BNIP2: variants seen among roughly 807,000 people sequenced by gnomAD.
BNIP2 encodes the protein BCL2/adenovirus E1B 19 kDa protein-interacting protein 2.
Under a neutral mutation model 43.4 loss-of-function variants are expected in BNIP2, and 36 were observed. That is an observed-to-expected ratio of 0.83 (90% confidence interval 0.64 to 1.10). The LOEUF is 1.10. BNIP2 is among the 50% of genes least tolerant of loss of function. BNIP2 has a pLI of 0.00. For synonymous variants in BNIP2, 146 were observed against 121.0 expected (o/e 1.21, Z -1.35); for missense variants, 417 against 374.1 (o/e 1.11, Z -0.95).
At chr15:59,683,603 G>A (rs1290949831) in intron 1 of BNIP2, among the ~76,000 whole-genome samples, 1 of 152,178 alleles carries the variant, frequency 6.6e-6, no homozygotes, top group African/African-American at 2.4e-5. Context: ...GATCACTTGA[G>A]GTCAGGAGTT....
In BNIP2 at chr15:59,679,497, T is replaced by G. The variant is rs1242862246; in HGVS notation, c.295+95A>C. 4 of 1,334,342 alleles carry G rather than the reference T, an allele frequency of 3.0e-6. No individual in the cohort carries two copies. The African/African-American group carries it at 5.9e-5, about 20-fold the overall frequency. 82.7% of individuals were successfully genotyped at this position (1,334,342 alleles called of 1,614,324 possible). On this transcript the variant is annotated intron_variant, in intron 4 of 9. Coordinates refer to ENST00000607373, the MANE Select transcript of BNIP2 (RefSeq NM_004330.4). ...GGGTTAGCACAATTTCCTATCTTAG[T>G]AACAAATATATGAACTTTAGAAAGA...
chr15:59,674,105 A>C (rs1290535957), intron 5 of BNIP2, among the ~76,000 whole-genome samples: 3 of 149,672 alleles, frequency 2.0e-5, no homozygotes, highest in African/African-American at 7.5e-5. Flanking sequence ...AAAAAACAAA[A>C]ACAAAAACAA....
chr15:59,678,712 T>G (rs748674489), intron 4 of BNIP2: 62 of 1,230,206 alleles, frequency 5.0e-5, no homozygotes, highest in Admixed American at 9.8e-5. Flanking sequence ...TTCAATGTAG[T>G]AATAATTTTC....
rs952733049 is a variant in BNIP2 at position 59,662,546 on chromosome 15, G to A, written c.*1523C>T. 1 of 152,222 alleles carries A rather than the reference G, an allele frequency of 6.6e-6. No homozygotes were observed. The highest frequency in any genetic ancestry group is 2.1e-4 in the South Asian group (1 of 4,830). 9.4% of individuals were successfully genotyped at this position (152,222 alleles called of 1,614,324 possible). On this transcript the variant is annotated 3_prime_UTR_variant, in exon 10 of 10. Transcript: ENST00000607373. ...AAGTTAGCATGCCAAGTTTAGGACT[G>A]AGGAGGACAAAAAATATAGGAAAGT...
Position 59,689,168 on chromosome 15 carries a change from GCCC to G in BNIP2, c.-94_-92del. On this transcript the variant is annotated 5_prime_UTR_variant, in exon 1 of 10. Transcript: ENST00000607373. ...AAGCCTTGGCCCCCTCGTCCTCTTC[GCCC>G]CTCCAGGCCGGCGACGTGGGGCTGA... is the stretch of plus-strand genomic sequence containing the variant. 1 of 1,538,070 alleles carries G rather than the reference GCCC, an allele frequency of 6.5e-7. No homozygotes were observed. Among genetic ancestry groups the G allele is most frequent in the Non-Finnish European group, 8.7e-7 (1 of 1,146,420 alleles).
chr15:59,681,321 C>T (rs1297926388), intron 2 of BNIP2, among the ~76,000 whole-genome samples: 1 of 152,154 alleles, frequency 6.6e-6, no homozygotes, highest in Non-Finnish European at 1.5e-5. Flanking sequence ...TTTCATTAGC[C>T]TACCTGGTGC....
At chr15:59,673,221 C>T (rs1026162629) in intron 5 of BNIP2, among the ~76,000 whole-genome samples, 71 of 151,298 alleles carry the variant, frequency 4.7e-4, no homozygotes, top group African/African-American at 1.5e-3. Flanking sequence ...TGGCTTCACG[C>T]GATTCTCCTG....
chr15:59,679,688 C>T lies in BNIP2; in HGVS notation c.199G>A (p.Gly67Ser), dbSNP rs1893532265. Residue 67 changes from glycine (G) to serine (S), a missense_variant, in exon 4 of 10, where the codon GGC becomes AGC. Coordinates refer to ENST00000607373, the MANE Select transcript of BNIP2 (RefSeq NM_004330.4). ...TCCAAATCATCTGACAATACAGAGC[C>T]ATCACTAGGATCCAGTGTCAGGCTA... ...DISLTLDPSD[G>S]SVLSDDLDES... 7 of 1,610,028 alleles carry T rather than the reference C, an allele frequency of 4.3e-6. No homozygotes were observed. Among genetic ancestry groups the T allele is most frequent in the Non-Finnish European group, 5.9e-6 (7 of 1,178,410 alleles).
rs1210595322 is a variant in BNIP2 at position 59,663,037 on chromosome 15, C to A, written c.*1032G>T. The stretch of plus-strand genomic sequence containing the variant: ...GATTTCATACAAACTTGAATAAACA[C>A]CACATCTAACTAGGTCAAACAACTA... On this transcript the variant is annotated 3_prime_UTR_variant, in exon 10 of 10. Coordinates refer to ENST00000607373, the MANE Select transcript of BNIP2 (RefSeq NM_004330.4). 2.6e-5 allele frequency: 4 copies of A among 152,610 alleles called. No homozygotes were observed. The highest frequency in any genetic ancestry group is 5.9e-5 in the Non-Finnish European group (4 of 68,030). The allele number at this position is 152,610 out of a possible 1,614,324, so 9.5% of individuals were successfully genotyped here.
chr15:59,681,535 G>A (rs1235592245), intron 2 of BNIP2, among the ~76,000 whole-genome samples: 1 of 150,044 alleles, frequency 6.7e-6, no homozygotes, highest in East Asian at 2.0e-4. Context: ...GGCAACCCCT[G>A]CCTCCTGGGT....
chr15:59,682,791 G>A (rs1254779294), intron 1 of BNIP2, among the ~76,000 whole-genome samples: 1 of 151,934 alleles, frequency 6.6e-6, no homozygotes, highest in Non-Finnish European at 1.5e-5. Flanking sequence ...GGTTATGATT[G>A]AAAATATATT....
At chr15:59,673,812 G>A (rs1893088216) in intron 5 of BNIP2, among the ~76,000 whole-genome samples, 1 of 152,076 alleles carries the variant, frequency 6.6e-6, no homozygotes, top group Non-Finnish European at 1.5e-5. Context: ...ATTAGGCCGG[G>A]CGAGGTGGCT....
intron 9 of BNIP2, among the ~76,000 whole-genome samples, chr15:59,664,489 G>C (rs924795546): frequency 4.0e-5 from 6 of 151,776 alleles, no homozygotes; most frequent in Non-Finnish European, 8.8e-5. Flanking sequence ...TCACACCATT[G>C]TCCTGCCTCA....
intron 2 of BNIP2, 51 bp downstream of exon 2, chr15:59,682,357 A>T: frequency 6.6e-7 from 1 of 1,522,316 alleles, no homozygotes. Context: ...CTCGATAAAG[A>T]AATTTTGAAC....
intron 2 of BNIP2, among the ~76,000 whole-genome samples, chr15:59,681,100 C>T (rs147058160): frequency 5.3e-5 from 8 of 152,284 alleles, no homozygotes; most frequent in African/African-American, 1.9e-4. Flanking sequence ...TTTTTACTCA[C>T]GAGACTACAG....
chr15:59,676,033 T>C (rs1429223786), intron 5 of BNIP2, among the ~76,000 whole-genome samples: 2 of 152,208 alleles, frequency 1.3e-5, no homozygotes, highest in Non-Finnish European at 2.9e-5. Context: ...GGGTTTTATA[T>C]ATATGGGTAT....
chr15:59,661,876 T>C lies in BNIP2; in HGVS notation c.*2193A>G, dbSNP rs1260451448. On this transcript the variant is annotated 3_prime_UTR_variant, in exon 10 of 10. Coordinates refer to ENST00000607373, the MANE Select transcript of BNIP2 (RefSeq NM_004330.4). Reference sequence around the variant, plus strand: ...AACATTTATTGTGGGTACATCTCTATACCAGATTCCATTAAGGTGCAGGTT... The same window carrying C: ...AACATTTATTGTGGGTACATCTCTACACCAGATTCCATTAAGGTGCAGGTT... The C allele has an allele frequency of 6.6e-6, 1 of 152,232 alleles. No homozygotes were observed. The highest frequency in any genetic ancestry group is 1.5e-5 in the Non-Finnish European group (1 of 68,034). The allele number at this position is 152,232 out of a possible 1,614,324, so 9.4% of individuals were successfully genotyped here. A position where few individuals can be genotyped will look rare whatever the true frequency, so the allele number is the denominator to read the frequency against.
chr15:59,683,436 A>AT (rs1893820520), intron 1 of BNIP2, among the ~76,000 whole-genome samples: 3 of 152,240 alleles, frequency 2.0e-5, no homozygotes, highest in Admixed American at 1.3e-4. Flanking sequence ...CAGCAGTAAC[A>AT]TATTTCTGTT....
chr15:59,666,211 T>C (rs1320283441), intron 9 of BNIP2, among the ~76,000 whole-genome samples: 1 of 152,146 alleles, frequency 6.6e-6, no homozygotes, highest in Non-Finnish European at 1.5e-5. Flanking sequence ...TCTTCAACCC[T>C]CTTCCCCACA....
Sources: allele counts gnomAD v4.1 joint callset (sites outside exome capture counted in the v4.1 genomes callset), GRCh38; gene constraint gnomAD v4.1.1; transcripts MANE v1.5; gene names NCBI Gene and HGNC (gene_info 2026-07-23, HGNC 2026-07-21).